Variants in POLD2 observed in about 807,000 individuals in gnomAD.
The protein encoded by POLD2 is DNA polymerase delta subunit 2.
Under a neutral mutation model 48.8 loss-of-function variants are expected in POLD2, and 31 were observed. The ratio of observed to expected loss-of-function variants is 0.64; its 90% CI spans 0.48 to 0.86. POLD2 has a LOEUF of 0.86. Among genes scored for constraint, POLD2 ranks in the 40% least tolerant of loss-of-function variants. POLD2 has a pLI of 0.00. For missense variants in POLD2, 455 were observed against 610.1 expected (o/e 0.75, Z 2.68); for synonymous variants, 233 against 256.3 (o/e 0.91, Z 0.87).
intron 1 of POLD2, 56 bp from the exon 2 acceptor site, chr7:44,122,165 T>C: frequency 6.8e-7 from 1 of 1,475,432 alleles, no homozygotes; most frequent in South Asian, 1.4e-5. Context: ...AAGCAGCAGC[T>C]CTCCTGGTGT....
intron 1 of POLD2, chr7:44,123,282 G>C: frequency 7.3e-7 from 1 of 1,361,658 alleles, no homozygotes; most frequent in Non-Finnish European, 9.4e-7. Flanking sequence ...GACTCGTTAG[G>C]AGCTTTTGGC....
chr7:44,117,312 C>G, intron 4 of POLD2, 65 bp from the exon 5 acceptor site: 3 of 1,216,160 alleles, frequency 2.5e-6, no homozygotes, highest in Non-Finnish European at 3.6e-6. Context: ...TCCAGTCACC[C>G]CAACGGGCAA....
chr7:44,115,187 A>G (rs532529358), intron 10 of POLD2, 108 bp downstream of exon 10: 1 of 860,206 alleles, frequency 1.2e-6, no homozygotes, highest in African/African-American at 1.7e-5. Flanking sequence ...TGTCCATCCC[A>G]CAAGGGCCAG....
chr7:44,116,577 C>T lies in POLD2; in HGVS notation c.781-67G>A, dbSNP rs545741575. 17 of 1,294,052 alleles carry T rather than the reference C, an allele frequency of 1.3e-5. No individual in the cohort carries two copies. In the South Asian group the frequency reaches 1.7e-4, roughly 13 times the overall value. The allele number at this position is 1,294,052 out of a possible 1,614,324, so 80.2% of individuals were successfully genotyped here. A position where few individuals can be genotyped will look rare whatever the true frequency, so the allele number is the denominator to read the frequency against. On this transcript the variant is annotated intron_variant, in intron 6 of 10. Coordinates refer to ENST00000610533, the MANE Select transcript of POLD2 (RefSeq NM_006230.4). This position sits in a 1 kb window ranked among gnomAD's most constrained non-coding sequence, Gnocchi z 6.1. Reference sequence around the variant, plus strand: ...CCAGGCTCAGAGGAGAGTAGAGCCCCACCAGCTGGAAGATGCAGTTGTTGT... The same window carrying T: ...CCAGGCTCAGAGGAGAGTAGAGCCCTACCAGCTGGAAGATGCAGTTGTTGT...
At position 44,117,971 on chromosome 7, in the gene POLD2, G is replaced by A. The variant is rs1160749810; in HGVS notation, c.314C>T (p.Pro105Leu). The A allele has an allele frequency of 6.2e-7, 1 of 1,614,184 alleles. No homozygotes were observed. Among genetic ancestry groups the A allele is most frequent in the East Asian group, 2.2e-5 (1 of 44,884 alleles). Residue 105 changes from proline (P) to leucine (L), a missense_variant, in exon 3 of 11, where the codon CCC becomes CTC. Physicochemically the swap from Pro to Leu is moderately conservative, Grantham distance 98. This residue lies in a region of POLD2 where 349 missense variants were observed against 437.4 expected (regional missense o/e 0.80). Coordinates refer to ENST00000610533, the MANE Select transcript of POLD2 (RefSeq NM_006230.4). ...GTLFKAMPLQPSILREVSEEH... is the reference protein window; with the variant it reads ...GTLFKAMPLQLSILREVSEEH... ...CTCGCTGACCTCCCGCAGGATGGAGGGCTGCAGCGGCATGGCCTTGAACAG... is the reference window on the plus strand; with the variant it reads ...CTCGCTGACCTCCCGCAGGATGGAGAGCTGCAGCGGCATGGCCTTGAACAG...
intron 2 of POLD2, among the ~76,000 whole-genome samples, chr7:44,120,581 G>A (rs1015416393): frequency 2.0e-5 from 3 of 152,184 alleles, no homozygotes; most frequent in Non-Finnish European, 4.4e-5. Context: ...TAATCCACAC[G>A]GTGTTGACGG....
rs749634791 is a variant in POLD2, at chr7:44,117,197, C to G, written c.517G>C (p.Val173Leu). ...AGGTCAGCAAAGCAATAGTCCTCCA[C>G]CAGAAACTTCCCGTCGTCTCTCACG... ...GSVRDDGKFL[V>L]EDYCFADLAP... Residue 173 changes from valine (V) to leucine (L), a missense_variant, in exon 5 of 11, where the codon GTG becomes CTG. Physicochemically the swap from Val to Leu is conservative, Grantham distance 32. Transcript: ENST00000610533. The G allele has an allele frequency of 6.2e-7, 1 of 1,614,090 alleles. No homozygotes were observed. Among genetic ancestry groups the G allele is most frequent in the East Asian group, 2.2e-5 (1 of 44,884 alleles).
intron 2 of POLD2, chr7:44,118,284 C>T: frequency 2.0e-6 from 1 of 505,170 alleles, no homozygotes; most frequent in Non-Finnish European, 3.6e-6. Context: ...GCCCTGGATG[C>T]CAAGTGTCCT....
chr7:44,116,084 G>C lies in POLD2; in HGVS notation c.1019+31C>G. On this transcript the variant is annotated intron_variant, in intron 8 of 10. Coordinates refer to ENST00000610533, the MANE Select transcript of POLD2 (RefSeq NM_006230.4). This position sits in a 1 kb window ranked among gnomAD's most constrained non-coding sequence, Gnocchi z 6.1. Reference sequence around the variant, plus strand: ...TTGTGCCTCCTGAGGCAAAAGGCTGGGTCAGACTGAAGTGTGGCTGTGCCA... The same window carrying C: ...TTGTGCCTCCTGAGGCAAAAGGCTGCGTCAGACTGAAGTGTGGCTGTGCCA... The C allele has an allele frequency of 6.2e-7, 1 of 1,613,186 alleles. No homozygotes were observed.
At position 44,121,428 on chromosome 7, in the gene POLD2, G is replaced by A. The variant is rs748362442; in HGVS notation, c.220+406C>T. On this transcript the variant is annotated intron_variant, in intron 2 of 10. Transcript: ENST00000610533. The surrounding 1 kb of genome is among the most constrained non-coding windows in gnomAD (Gnocchi z 4.5). The stretch of plus-strand genomic sequence containing the variant: ...AAACAGACATGAGTGAACAGAGGGG[G>A]TCCCCTCGAGACCAGAGAGTGCATC... Among the ~76,000 whole-genome samples the A allele has an allele frequency of 1.3e-5, 2 of 152,176 alleles. No homozygotes were observed. Among genetic ancestry groups the A allele is most frequent in the Non-Finnish European group, 2.9e-5 (2 of 68,026 alleles).
chr7:44,115,249 G>C (rs773529182), intron 10 of POLD2, 46 bp downstream of exon 10: 5 of 1,218,528 alleles, frequency 4.1e-6, no homozygotes, highest in South Asian at 1.2e-5. Flanking sequence ...CCCCAGGTGA[G>C]AGCAAATCAG....
chr7:44,114,851 C>T lies in POLD2; in HGVS notation c.1344G>A (p.Gln448=). The change falls in exon 11 of 11, where the codon CAG becomes CAA. Residue 448 remains glutamine, a synonymous_variant. Transcript: ENST00000610533. ...CLVNLRSLAC[Q]PISFSGFGAE... is the part of the protein sequence containing the mutation. ...CCCCGAAGCCCGAGAAGCTGATGGG[C>T]TGGCAGGCCAGGCTGCGCAGGTTCA... 6.2e-7 allele frequency: 1 copy of T among 1,613,998 alleles called. No individual in the cohort carries two copies. The highest frequency in any genetic ancestry group is 8.5e-7 in the Non-Finnish European group (1 of 1,179,910).
chr7:44,124,288 A>G (rs1446319120), upstream of POLD2: 1 of 136,834 alleles, frequency 7.3e-6, no homozygotes, highest in African/African-American at 2.8e-5. Context: ...TTCCATCTCC[A>G]CTAATTTATA....
intron 2 of POLD2, among the ~76,000 whole-genome samples, chr7:44,119,440 C>T (rs899319043): frequency 6.6e-6 from 1 of 152,100 alleles, no homozygotes; most frequent in African/African-American, 2.4e-5. Context: ...CAGAGGCGAG[C>T]AACTCAAAAC....
upstream of POLD2, among the ~76,000 whole-genome samples, chr7:44,123,912 C>T (rs2096252324): frequency 6.6e-6 from 1 of 152,256 alleles, no homozygotes; most frequent in African/African-American, 2.4e-5. Flanking sequence ...CGCCAGCCTC[C>T]TTGGTGAAGC....
At chr7:44,115,001 G>A in intron 10 of POLD2, 56 bp from the exon 11 acceptor site, 1 of 1,480,548 alleles carries the variant, frequency 6.8e-7, no homozygotes, top group Non-Finnish European at 9.2e-7. Flanking sequence ...CTGCCTCAAA[G>A]AGAAGCTGCC....
chr7:44,116,671 T>G lies in POLD2; in HGVS notation c.780+146A>C. Reference sequence around the variant, plus strand: ...GAGGGCCTGGGCATGAGGAGCCCCATTGCAGGAGGCCCCAGAGTCACTGCA... The same window carrying G: ...GAGGGCCTGGGCATGAGGAGCCCCAGTGCAGGAGGCCCCAGAGTCACTGCA... On this transcript the variant is annotated intron_variant, in intron 6 of 10. Transcript: ENST00000610533. This position sits in a 1 kb window ranked among gnomAD's most constrained non-coding sequence, Gnocchi z 6.1. 1 of 1,001,680 alleles carries G rather than the reference T, an allele frequency of 1.0e-6. No individual in the cohort carries two copies. The highest frequency in any genetic ancestry group is 1.5e-6 in the Non-Finnish European group (1 of 671,252). 62.0% of individuals were successfully genotyped at this position (1,001,680 alleles called of 1,614,324 possible). A position where few individuals can be genotyped will look rare whatever the true frequency, so the allele number is the denominator to read the frequency against.
At chr7:44,123,678 G>C, upstream of POLD2, 2 of 1,359,460 alleles carry the variant, frequency 1.5e-6, no homozygotes, top group Admixed American at 4.0e-5. Context: ...TGTGCGCCCA[G>C]TCCCTGGGAC....
chr7:44,119,815 G>A (rs1436948186), intron 2 of POLD2, among the ~76,000 whole-genome samples: 1 of 152,236 alleles, frequency 6.6e-6, no homozygotes, highest in East Asian at 1.9e-4. Flanking sequence ...ACGACAACAG[G>A]CCATAGACAA....
Sources: gnomAD v4.1 joint callset for allele counts (sites outside exome capture counted in the v4.1 genomes callset) on GRCh38, gnomAD v4.1.1 for gene constraint, gnomAD v4.1.1 regional missense constraint, Gnocchi (gnomAD v3.1) non-coding constraint, MANE v1.5 for transcripts, NCBI Gene and HGNC (gene_info 2026-07-23, HGNC 2026-07-21) for gene names.